CYRIA: variants seen among roughly 807,000 people sequenced by gnomAD.
The protein encoded by CYRIA is CYFIP-related Rac1 interactor A.
In CYRIA, 15 loss-of-function variants were observed where a neutral mutation model predicts 43.9. The ratio of observed to expected loss-of-function variants is 0.34; its 90% CI spans 0.23 to 0.53. The LOEUF (loss-of-function observed/expected upper bound fraction) is 0.53, where lower values mean the gene tolerates loss of function less well. Among genes scored for constraint, CYRIA ranks in the 20% least tolerant of loss-of-function variants. The pLI, the probability that CYRIA is intolerant of heterozygous loss-of-function variation, is 0.94. For missense variants in CYRIA, 236 were observed against 394.2 expected (o/e 0.60, Z 3.40); for synonymous variants, 117 against 136.0 (o/e 0.86, Z 0.97).
chr2:16,561,056 G>A lies in CYRIA; in HGVS notation c.644C>T (p.Pro215Leu). 1 of 1,613,680 alleles carries A rather than the reference G, an allele frequency of 6.2e-7. No individual in the cohort carries two copies. Among genetic ancestry groups the A allele is most frequent in the Non-Finnish European group, 8.5e-7 (1 of 1,179,740 alleles). ...GAGGCAGTCTGTGGTGTTCTCTATT[G>A]GCAGAGTTTTGTTCTAAATGGGAGA... Reference protein sequence around the residue: ...MHFVSENKTLPIENTTDCLST... With the variant: ...MHFVSENKTLLIENTTDCLST... Residue 215 changes from proline (P) to leucine (L), a missense_variant, in exon 9 of 12, where the codon CCA (proline) becomes CTA (leucine). Pro to Leu is a moderately conservative substitution (Grantham distance 98, BLOSUM62 -3). Around this residue, in one of 3 missense-constraint regions of CYRIA, gnomAD observed 193 missense variants for 303.9 expected, o/e 0.64. Coordinates refer to ENST00000381323, the MANE Select transcript of CYRIA (RefSeq NM_030797.4).
chr2:16,639,708 G>A (rs1464278298), intron 1 of CYRIA, among the ~76,000 whole-genome samples: 1 of 152,226 alleles, frequency 6.6e-6, no homozygotes, highest in African/African-American at 2.4e-5. Context: ...GGGGGGAAGA[G>A]CGTGTCTGTA....
At chr2:16,605,929 C>G (rs538164754) in intron 2 of CYRIA, among the ~76,000 whole-genome samples, 51 of 152,274 alleles carry the variant, frequency 3.3e-4, no homozygotes, top group African/African-American at 1.2e-3. Context: ...CATCTCTCAC[C>G]TCTCTGGAAG....
chr2:16,631,075 A>T (rs553379071), intron 1 of CYRIA, among the ~76,000 whole-genome samples: 106 of 152,344 alleles, frequency 7.0e-4, no homozygotes, highest in African/African-American at 2.5e-3. Context: ...ACCTTTAGTC[A>T]GTCACTACTG....
intron 1 of CYRIA, among the ~76,000 whole-genome samples, chr2:16,624,823 AAT>A (rs1284291319): frequency 1.3e-5 from 2 of 152,198 alleles, no homozygotes; most frequent in Non-Finnish European, 2.9e-5. Flanking sequence ...GAATTGTATA[AAT>A]ATACTTTCTT....
At chr2:16,620,784 G>A (rs895226897) in intron 2 of CYRIA, among the ~76,000 whole-genome samples, 4 of 152,152 alleles carry the variant, frequency 2.6e-5, no homozygotes, top group African/African-American at 9.7e-5. Flanking sequence ...CAGGAGGGAG[G>A]TGAAGGTGCA....
intron 3 of CYRIA, among the ~76,000 whole-genome samples, chr2:16,568,853 G>C (rs558386051): frequency 6.6e-6 from 1 of 152,174 alleles, no homozygotes; most frequent in African/African-American, 2.4e-5. Context: ...CTCCACCCTA[G>C]CAAATCACCG....
intron 1 of CYRIA, among the ~76,000 whole-genome samples, chr2:16,659,737 C>A (rs1670199064): frequency 6.6e-6 from 1 of 152,166 alleles, no homozygotes; most frequent in Non-Finnish European, 1.5e-5. Context: ...ACTCATTGTT[C>A]CTCATGATCG....
At chr2:16,593,230 T>C (rs1459942146) in intron 2 of CYRIA, among the ~76,000 whole-genome samples, 1 of 152,174 alleles carries the variant, frequency 6.6e-6, no homozygotes, top group Non-Finnish European at 1.5e-5. Flanking sequence ...GATTTCCATT[T>C]TTCTTTATTT....
intron 2 of CYRIA, among the ~76,000 whole-genome samples, chr2:16,602,906 ACTTTC>A (rs1178006941): frequency 6.6e-6 from 1 of 150,636 alleles, no homozygotes; most frequent in African/African-American, 2.4e-5. Context: ...TTTTTTGCAC[ACTTTC>A]CTTCCTTCTC....
intron 2 of CYRIA, among the ~76,000 whole-genome samples, chr2:16,588,393 GAGA>G (rs2103459410): frequency 6.6e-6 from 1 of 150,708 alleles, no homozygotes; most frequent in South Asian, 2.1e-4. Context: ...TCTCTCTCGA[GAGA>G]ATACACCTGC....
intron 2 of CYRIA, among the ~76,000 whole-genome samples, chr2:16,601,868 G>T (rs990366423): frequency 3.3e-5 from 5 of 152,324 alleles, no homozygotes; most frequent in Admixed American, 3.3e-4. Flanking sequence ...TTAAAAAGAA[G>T]TGACTGTGGT....
chr2:16,633,687 T>G (rs1669406411), intron 1 of CYRIA, among the ~76,000 whole-genome samples: 1 of 151,144 alleles, frequency 6.6e-6, no homozygotes, highest in Admixed American at 6.6e-5. Flanking sequence ...AGCTACCTCA[T>G]CACTTTCTGA....
intron 2 of CYRIA, among the ~76,000 whole-genome samples, chr2:16,589,116 C>T (rs1007723877): frequency 6.6e-6 from 1 of 152,050 alleles, no homozygotes; most frequent in African/African-American, 2.4e-5. Context: ...ATGCTGGGCA[C>T]TGTGTTCTTG....
intron 1 of CYRIA, among the ~76,000 whole-genome samples, chr2:16,627,923 G>A (rs1020980074): frequency 5.3e-5 from 8 of 152,190 alleles, no homozygotes; most frequent in Non-Finnish European, 7.3e-5. Flanking sequence ...TGGAGGGGAT[G>A]ATGCCTTGGA....
intron 1 of CYRIA, among the ~76,000 whole-genome samples, chr2:16,644,338 G>T (rs963725725): frequency 4.6e-5 from 7 of 152,292 alleles, no homozygotes; most frequent in African/African-American, 1.7e-4. Flanking sequence ...ACACAGGGAG[G>T]TTAAGACTGA....
chr2:16,579,037 T>C (rs770559186), intron 3 of CYRIA, among the ~76,000 whole-genome samples: 2 of 151,974 alleles, frequency 1.3e-5, no homozygotes, highest in Non-Finnish European at 2.9e-5. Flanking sequence ...GCATATTACA[T>C]CTAGGGGAGC....
intron 1 of CYRIA, among the ~76,000 whole-genome samples, chr2:16,651,768 T>C (rs1032191751): frequency 6.6e-6 from 1 of 152,158 alleles, no homozygotes; most frequent in African/African-American, 2.4e-5. Context: ...ATTATTTTAA[T>C]ATCAGGTGCC....
At chr2:16,640,054 T>C (rs939578867) in intron 1 of CYRIA, among the ~76,000 whole-genome samples, 4 of 152,212 alleles carry the variant, frequency 2.6e-5, no homozygotes, top group South Asian at 2.1e-4. Flanking sequence ...AAGATGAGGC[T>C]GAATCCATCT....
intron 1 of CYRIA, among the ~76,000 whole-genome samples, chr2:16,630,014 T>A (rs796630227): frequency 4.6e-5 from 7 of 152,220 alleles, no homozygotes; most frequent in African/African-American, 1.7e-4. Flanking sequence ...CAGGCAGTCC[T>A]AGACAGTCAG....
Sources: gnomAD v4.1 joint callset for allele counts (sites outside exome capture counted in the v4.1 genomes callset) on GRCh38, gnomAD v4.1.1 for gene constraint, gnomAD v4.1.1 regional missense constraint, MANE v1.5 for transcripts, NCBI Gene and HGNC (gene_info 2026-07-23, HGNC 2026-07-21) for gene names.